PPIL2: variants seen among roughly 807,000 people sequenced by gnomAD.
The protein encoded by PPIL2 is RING-type E3 ubiquitin-protein ligase PPIL2.
PPIL2 carries 50 observed loss-of-function variants against 75.2 expected under a neutral mutation model. That is an observed-to-expected ratio of 0.66 (90% confidence interval 0.53 to 0.84). PPIL2 has a LOEUF of 0.84. Among genes scored for constraint, PPIL2 ranks in the 40% least tolerant of loss-of-function variants. The pLI, the probability that PPIL2 is intolerant of heterozygous loss-of-function variation, is 0.00. For synonymous variants in PPIL2, 245 were observed against 258.8 expected (o/e 0.95, Z 0.51); for missense variants, 590 against 685.0 (o/e 0.86, Z 1.55).
chr22:21,687,163 C>T lies in PPIL2; in HGVS notation c.897+165C>T, dbSNP rs763564800. ...GTGCCCTGTGTCCTTCCTAGGGGGC[C>T]GCGTTGGCAGCATGGCCTGCGCACA... On this transcript the variant is annotated intron_variant, in intron 12 of 19. Transcript: ENST00000398831. Among the ~76,000 whole-genome samples the T allele has an allele frequency of 3.9e-5, 6 of 152,172 alleles. No individual in the cohort carries two copies. In the South Asian group the frequency reaches 6.2e-4, roughly 16 times the overall value.
In PPIL2 at chr22:21,697,383, T is replaced by A. The variant is rs1351448479; in HGVS notation, c.*1893T>A. ...ACTGTATTCTCTGGCCACATTCAAG[T>A]CCCCCATTGGTGGGGGCAGAGAAGT... On this transcript the variant is annotated 3_prime_UTR_variant, in exon 20 of 20. Coordinates refer to ENST00000398831, the MANE Select transcript of PPIL2 (RefSeq NM_014337.4). 10 of 215,904 alleles carry A rather than the reference T, an allele frequency of 4.6e-5. No individual in the cohort carries two copies. The highest frequency in any genetic ancestry group is 9.4e-6 in the Non-Finnish European group (1 of 106,778). 13.4% of individuals were successfully genotyped at this position (215,904 alleles called of 1,614,324 possible). A position where few individuals can be genotyped will look rare whatever the true frequency, so the allele number is the denominator to read the frequency against.
At chr22:21,670,395 T>C (rs2066585988) in intron 2 of PPIL2, 171 bp from the exon 3 acceptor site, 1 of 1,480,844 alleles carries the variant, frequency 6.8e-7, no homozygotes, top group Admixed American at 2.5e-5. Context: ...TTTTTTGATG[T>C]ACCCCAAGTG....
chr22:21,676,963 G>A (rs1248802096), intron 6 of PPIL2, among the ~76,000 whole-genome samples: 5 of 148,894 alleles, frequency 3.4e-5, no homozygotes, highest in East Asian at 4.0e-4. Context: ...CCTCCCGGAC[G>A]GGGCGGCGGC....
rs1008397220 is a variant in PPIL2, at chr22:21,687,131, C to T, written c.897+133C>T. 94 of 830,436 alleles carry T rather than the reference C, an allele frequency of 1.1e-4. 1 individual carries two copies. The highest frequency in any genetic ancestry group is 1.3e-4 in the Non-Finnish European group (66 of 513,294). 51.4% of individuals were successfully genotyped at this position (830,436 alleles called of 1,614,324 possible). A position where few individuals can be genotyped will look rare whatever the true frequency, so the allele number is the denominator to read the frequency against. On this transcript the variant is annotated intron_variant, in intron 12 of 19. Coordinates refer to ENST00000398831, the MANE Select transcript of PPIL2 (RefSeq NM_014337.4). Reference sequence around the variant, plus strand: ...ATTCAGCCTGTCACTAGGCGGGACCCGCAGCAGTGCCCTGTGTCCTTCCTA... The same window carrying T: ...ATTCAGCCTGTCACTAGGCGGGACCTGCAGCAGTGCCCTGTGTCCTTCCTA...
At chr22:21,694,894 G>A (rs758466855) in intron 18 of PPIL2, 43 bp from the exon 19 acceptor site, 1 of 1,605,082 alleles carries the variant, frequency 6.2e-7, no homozygotes, top group Non-Finnish European at 8.5e-7. Flanking sequence ...CATCTGTCCT[G>A]CCCGAGGTGC....
At chr22:21,689,496 C>T (rs1462261458) in intron 15 of PPIL2, among the ~76,000 whole-genome samples, 1 of 151,682 alleles carries the variant, frequency 6.6e-6, no homozygotes, top group East Asian at 1.9e-4. Flanking sequence ...TTTTTTTTCC[C>T]AACTTTTGGG....
At chr22:21,676,243 A>AGTGTGTGTGTGTGTGT (rs36131221) in intron 6 of PPIL2, among the ~76,000 whole-genome samples, 13 of 130,508 alleles carry the variant, frequency 1.0e-4, no homozygotes, top group Non-Finnish European at 1.6e-4. Flanking sequence ...TGTGATCAGC[A>AGTGTGTGTGTGTGTGT]GTGTGTGTGT....
intron 5 of PPIL2, among the ~76,000 whole-genome samples, chr22:21,673,785 TGAG>T (rs1300743950): frequency 1.3e-4 from 20 of 152,326 alleles, no homozygotes; most frequent in African/African-American, 4.3e-4. Flanking sequence ...GCCAAACCTC[TGAG>T]GAGAGTTCCT....
rs779320978 is a variant in PPIL2, at chr22:21,666,150, G to A, written c.32+19G>A. ...ACAAAATGTAAGTTGAGCCGCAGTC[G>A]GGAGCGGCGCTCCACTCTGCCTCAG... On this transcript the variant is annotated intron_variant, in intron 1 of 19. Coordinates refer to ENST00000398831, the MANE Select transcript of PPIL2 (RefSeq NM_014337.4). The A allele has an allele frequency of 5.6e-6, 9 of 1,608,470 alleles. No homozygotes were observed. The highest frequency in any genetic ancestry group is 7.6e-6 in the Non-Finnish European group (9 of 1,177,064).
chr22:21,694,510 C>T, intron 16 of PPIL2, 83 bp from the exon 17 acceptor site: 1 of 1,504,120 alleles, frequency 6.6e-7, no homozygotes, highest in Non-Finnish European at 9.2e-7. Flanking sequence ...GCTCTCAACC[C>T]CTCTTCCCAC....
chr22:21,698,050 C>T (rs2068006349), downstream of PPIL2: 1 of 152,240 alleles, frequency 6.6e-6, no homozygotes, highest in Non-Finnish European at 1.5e-5. Context: ...CATCACCTCC[C>T]AAGGCTCTCA....
At chr22:21,680,876 A>T (rs2067097058) in intron 6 of PPIL2, among the ~76,000 whole-genome samples, 1 of 149,900 alleles carries the variant, frequency 6.7e-6, no homozygotes. Context: ...AAAAAAAGAC[A>T]GTAGGCAGGC....
chr22:21,666,167 C>T, intron 1 of PPIL2, 36 bp downstream of exon 1: 2 of 1,592,298 alleles, frequency 1.3e-6, no homozygotes, highest in South Asian at 2.2e-5. Flanking sequence ...GCGCTCCACT[C>T]TGCCTCAGTG....
At position 21,696,683 on chromosome 22, in the gene PPIL2, G is replaced by A; in HGVS notation, c.*1193G>A. On this transcript the variant is annotated 3_prime_UTR_variant, in exon 20 of 20. Transcript: ENST00000398831. Reference sequence around the variant, plus strand: ...CCCCACTTCTAGTTCTTCACACTAAGCCCTAACTTAGGCCTTGTTCTTGGT... The same window carrying A: ...CCCCACTTCTAGTTCTTCACACTAAACCCTAACTTAGGCCTTGTTCTTGGT... 1 of 1,533,948 alleles carries A rather than the reference G, an allele frequency of 6.5e-7. No individual in the cohort carries two copies. The highest frequency in any genetic ancestry group is 1.2e-5 in the South Asian group (1 of 83,236).
chr22:21,688,595 TG>T, intron 14 of PPIL2, 136 bp from the exon 15 acceptor site: 1 of 792,770 alleles, frequency 1.3e-6, no homozygotes, highest in Non-Finnish European at 2.1e-6. Flanking sequence ...GGCGTGGGGC[TG>T]GGAGCCTCCC....
intron 3 of PPIL2, 183 bp downstream of exon 3, chr22:21,670,794 G>T (rs1036589407): frequency 9.4e-6 from 8 of 848,360 alleles, no homozygotes; most frequent in African/African-American, 8.4e-5. Flanking sequence ...CCTTGGTGTT[G>T]GATCCTGCTC....
intron 6 of PPIL2, among the ~76,000 whole-genome samples, chr22:21,677,580 C>G (rs1305537306): frequency 6.6e-6 from 1 of 152,194 alleles, no homozygotes; most frequent in African/African-American, 2.4e-5. Flanking sequence ...GCCTGCAATC[C>G]CAGGCACTCG....
At chr22:21,680,829 CAA>C (rs762340467) in intron 6 of PPIL2, among the ~76,000 whole-genome samples, 91 of 50,794 alleles carry the variant, frequency 1.8e-3, no homozygotes, top group African/African-American at 5.4e-3. Flanking sequence ...GACTCCATCT[CAA>C]AAAAAAAAAA....
intron 15 of PPIL2, among the ~76,000 whole-genome samples, chr22:21,690,725 T>G (rs1480315903): frequency 6.6e-6 from 1 of 152,192 alleles, no homozygotes; most frequent in Non-Finnish European, 1.5e-5. Flanking sequence ...ACGTCTGTCA[T>G]TTTGAGGGTG....
Sources: allele counts gnomAD v4.1 joint callset (sites outside exome capture counted in the v4.1 genomes callset), GRCh38; gene constraint gnomAD v4.1.1; transcripts MANE v1.5; gene names NCBI Gene and HGNC (gene_info 2026-07-23, HGNC 2026-07-21).